The following PCSK2 variants were observed in gnomAD, a reference collection of about 807,000 sequenced individuals.
PCSK2 encodes the protein proprotein convertase subtilisin/kexin type 2.
In PCSK2, 14 loss-of-function variants were observed where a neutral mutation model predicts 69.7. That is an observed-to-expected ratio of 0.20 (90% confidence interval 0.13 to 0.31). PCSK2 has a LOEUF of 0.31. Ranked by LOEUF, PCSK2 falls within the 10% of genes least tolerant of loss-of-function variation. PCSK2 has a pLI of 1.00. For missense variants in PCSK2, 544 were observed against 842.5 expected (o/e 0.65, Z 4.39); for synonymous variants, 307 against 320.7 (o/e 0.96, Z 0.46).
chr20:17,466,743 G>T (rs2033107718), intron 11 of PCSK2, among the ~76,000 whole-genome samples: 1 of 152,158 alleles, frequency 6.6e-6, no homozygotes, highest in African/African-American at 2.4e-5. Flanking sequence ...TATACACCCT[G>T]GTAACTACCA....
chr20:17,286,457 GT>G (rs143383899), intron 2 of PCSK2, among the ~76,000 whole-genome samples: 3 of 151,994 alleles, frequency 2.0e-5, no homozygotes, highest in Non-Finnish European at 4.4e-5. Flanking sequence ...GCACAGGATC[GT>G]TTTTTTGTTT....
chr20:17,291,241 T>C (rs117077437), intron 2 of PCSK2, among the ~76,000 whole-genome samples: 1,857 of 152,274 alleles, frequency 0.012, 24 homozygotes, highest in Non-Finnish European at 0.015. Flanking sequence ...TGAGCCTCTT[T>C]TATGTATATA....
chr20:17,227,104 G>A lies in PCSK2; in HGVS notation c.-202G>A, dbSNP rs1482883498. The stretch of plus-strand genomic sequence containing the variant: ...CCCCTGCCCGCGCGCCGGGCCGCCT[G>A]ACTGCACGGCTTCCCCTCCAGCCAG... On this transcript the variant is annotated 5_prime_UTR_variant, in exon 1 of 12. Coordinates refer to ENST00000262545, the MANE Select transcript of PCSK2 (RefSeq NM_002594.5). 8.9e-6 allele frequency: 5 copies of A among 558,836 alleles called. No individual in the cohort carries two copies. In the Admixed American group the frequency reaches 1.3e-4, roughly 14 times the overall value. 34.6% of individuals were successfully genotyped at this position (558,836 alleles called of 1,614,324 possible). A position where few individuals can be genotyped will look rare whatever the true frequency, so the allele number is the denominator to read the frequency against.
chr20:17,415,479 G>A (rs1463913460), intron 6 of PCSK2, among the ~76,000 whole-genome samples: 2 of 152,122 alleles, frequency 1.3e-5, no homozygotes, highest in Non-Finnish European at 2.9e-5. Flanking sequence ...CAACTTACAA[G>A]GGATGTGAAG....
chr20:17,266,916 T>A (rs1412255193), intron 2 of PCSK2, among the ~76,000 whole-genome samples: 1 of 152,142 alleles, frequency 6.6e-6, no homozygotes, highest in African/African-American at 2.4e-5. Flanking sequence ...ATTTAGCAGC[T>A]GGAGGAAATG....
At chr20:17,343,460 T>TTGCTG in intron 2 of PCSK2, among the ~76,000 whole-genome samples, 1 of 152,338 alleles carries the variant, frequency 6.6e-6, no homozygotes. Context: ...ATATCTTCAG[T>TTGCTG]AGAACTTGTC....
chr20:17,290,685 T>C (rs1012977669), intron 2 of PCSK2, among the ~76,000 whole-genome samples: 1 of 152,188 alleles, frequency 6.6e-6, no homozygotes, highest in Non-Finnish European at 1.5e-5. Flanking sequence ...TATGTGGGAT[T>C]TTTGAAGGAG....
At chr20:17,342,598 A>G (rs113138463) in intron 2 of PCSK2, among the ~76,000 whole-genome samples, 109 of 151,696 alleles carry the variant, frequency 7.2e-4, no homozygotes, top group African/African-American at 2.6e-3. Flanking sequence ...GATTACAGGC[A>G]TGAGCCACCA....
At chr20:17,285,679 G>C (rs1988488022) in intron 2 of PCSK2, among the ~76,000 whole-genome samples, 1 of 152,244 alleles carries the variant, frequency 6.6e-6, no homozygotes, top group South Asian at 2.1e-4. Flanking sequence ...TCAGACCAAA[G>C]CTCAGAGGAA....
intron 2 of PCSK2, among the ~76,000 whole-genome samples, chr20:17,280,911 C>A (rs781548008): frequency 6.6e-6 from 1 of 152,190 alleles, no homozygotes; most frequent in Non-Finnish European, 1.5e-5. Context: ...TTTCAGCAAC[C>A]TCAGTGGATT....
At chr20:17,436,987 C>A in intron 8 of PCSK2, 104 bp downstream of exon 8, 1 of 947,050 alleles carries the variant, frequency 1.1e-6, no homozygotes, top group Non-Finnish European at 1.5e-6. Context: ...GTGTGTGAGT[C>A]CAGGTCCTGC....
intron 11 of PCSK2, among the ~76,000 whole-genome samples, chr20:17,480,184 C>CTTTTTTT (rs1164266992): frequency 2.2e-4 from 17 of 76,978 alleles, no homozygotes; most frequent in East Asian, 3.4e-4. Context: ...TTCAGCTTTT[C>CTTTTTTT]TTTTTTTTTT....
chr20:17,260,319 A>C lies in PCSK2; in HGVS notation c.257A>C (p.Lys86Thr), dbSNP rs770813608. 6.2e-7 allele frequency: 1 copy of C among 1,613,336 alleles called. No individual in the cohort carries two copies. The highest frequency in any genetic ancestry group is 2.2e-5 in the East Asian group (1 of 44,872). Residue 86 changes from lysine to threonine, a missense_variant, in exon 2 of 12, where the codon AAG (lysine) becomes ACG (threonine). Coordinates refer to ENST00000262545, the MANE Select transcript of PCSK2 (RefSeq NM_002594.5). Reference protein sequence around the residue: ...KAKRRRSLHHKQQLERDPRVK... With the variant: ...KAKRRRSLHHTQQLERDPRVK... Reference sequence around the variant, plus strand: ...AAGAGAAGACGCAGCCTACACCACAAGCAGCAGCTGGAGAGAGACCCCAGG... The same window carrying C: ...AAGAGAAGACGCAGCCTACACCACACGCAGCAGCTGGAGAGAGACCCCAGG...
intron 5 of PCSK2, among the ~76,000 whole-genome samples, chr20:17,384,796 G>T (rs1016106047): frequency 3.9e-5 from 6 of 152,030 alleles, no homozygotes; most frequent in African/African-American, 1.2e-4. Context: ...TGCTGGGAAT[G>T]GTGGTGCATC....
rs571476131 is a variant in PCSK2, at chr20:17,392,576, C to T, written c.544-16687C>T. On this transcript the variant is annotated intron_variant, in intron 5 of 11. Coordinates refer to ENST00000262545, the MANE Select transcript of PCSK2 (RefSeq NM_002594.5). ...CAGAACATCCCCATCACCCAAAAAA[C>T]TTTCCTCCTGCTGCCCCTTTTCCCA... is the stretch of plus-strand genomic sequence containing the variant. 4.6e-5 allele frequency among the ~76,000 whole-genome samples: 7 copies of T among 152,312 alleles called. No individual in the cohort carries two copies. The South Asian group carries it at 1.4e-3, about 32-fold the overall frequency.
intron 10 of PCSK2, among the ~76,000 whole-genome samples, chr20:17,461,172 T>C (rs1451278575): frequency 1.3e-5 from 2 of 152,118 alleles, no homozygotes; most frequent in Non-Finnish European, 2.9e-5. Context: ...TTCTTTGAGA[T>C]GAGATTTTCC....
chr20:17,384,758 C>T (rs2031189016), intron 5 of PCSK2, among the ~76,000 whole-genome samples: 1 of 152,082 alleles, frequency 6.6e-6, no homozygotes, highest in African/African-American at 2.4e-5. Context: ...CATGGCAACA[C>T]CCTGTCGCTA....
intron 2 of PCSK2, among the ~76,000 whole-genome samples, chr20:17,271,724 C>G (rs1457853444): frequency 1.3e-5 from 2 of 152,118 alleles, no homozygotes; most frequent in African/African-American, 4.8e-5. Flanking sequence ...GCCACATCTA[C>G]AATTTTGAAG....
intron 2 of PCSK2, among the ~76,000 whole-genome samples, chr20:17,329,002 C>T (rs978591528): frequency 2.6e-5 from 4 of 152,126 alleles, no homozygotes; most frequent in African/African-American, 9.7e-5. Flanking sequence ...GTTTTCAGAA[C>T]GTGGTTGCTA....
Sources: gnomAD v4.1 joint callset for allele counts (sites outside exome capture counted in the v4.1 genomes callset) on GRCh38, gnomAD v4.1.1 for gene constraint, MANE v1.5 for transcripts, NCBI Gene and HGNC (gene_info 2026-07-23, HGNC 2026-07-21) for gene names.